SH3D19: variants seen among roughly 807,000 people sequenced by gnomAD.
The protein encoded by SH3D19 is SH3 domain-containing protein 19.
A neutral mutation model predicts 112.1 loss-of-function variants in SH3D19; 58 were observed. The ratio of observed to expected loss-of-function variants is 0.52; its 90% CI spans 0.42 to 0.64. SH3D19 has a LOEUF of 0.64. Ranked by LOEUF, SH3D19 falls within the 30% of genes least tolerant of loss-of-function variation. The pLI is 0.00. For synonymous variants in SH3D19, 391 were observed against 448.5 expected (o/e 0.87, Z 1.62); for missense variants, 1,090 against 1,263.4 (o/e 0.86, Z 2.08).
intron 12 of SH3D19, among the ~76,000 whole-genome samples, chr4:151,142,802 A>G (rs1753234561): frequency 6.6e-6 from 1 of 152,222 alleles, no homozygotes; most frequent in Non-Finnish European, 1.5e-5. Flanking sequence ...AAATGTAACA[A>G]TAGCCATGAA....
In SH3D19 at chr4:151,226,016, T is replaced by C. The variant is rs1768935169; in HGVS notation, c.152+31A>G. ...AATACTTTTCAAATAAGAAGCTTTA[T>C]ACAGAATTATTAGATACTGTAAATT... On this transcript the variant is annotated intron_variant, in intron 2 of 19. Coordinates refer to ENST00000604030, the MANE Select transcript of SH3D19 (RefSeq NM_001378122.1). 8 of 1,218,972 alleles carry C rather than the reference T, an allele frequency of 6.6e-6. No individual in the cohort carries two copies. The East Asian group carries it at 1.6e-4, about 24-fold the overall frequency. 75.5% of individuals were successfully genotyped at this position (1,218,972 alleles called of 1,614,324 possible).
At chr4:151,141,705 T>G (rs147204032) in intron 12 of SH3D19, among the ~76,000 whole-genome samples, 85 of 152,364 alleles carry the variant, frequency 5.6e-4, no homozygotes, top group Non-Finnish European at 1.1e-3. Flanking sequence ...TGTGTGATTT[T>G]CATTTTTTTC....
At chr4:151,199,739 A>G (rs1189025265) in intron 2 of SH3D19, among the ~76,000 whole-genome samples, 1 of 152,228 alleles carries the variant, frequency 6.6e-6, no homozygotes, top group Non-Finnish European at 1.5e-5. Flanking sequence ...AAGAGCATGC[A>G]TGACCAAATG....
chr4:151,319,489 T>C (rs1229102815), intron 1 of SH3D19, among the ~76,000 whole-genome samples: 2 of 152,244 alleles, frequency 1.3e-5, no homozygotes, highest in Non-Finnish European at 2.9e-5. Context: ...AACAGTAAGC[T>C]GGTGGTCCAG....
intron 1 of SH3D19, chr4:151,266,222 G>C (rs532742002): frequency 1.3e-5 from 2 of 152,312 alleles, no homozygotes; most frequent in East Asian, 3.9e-4. Flanking sequence ...CCAGGATTAA[G>C]ACGGAGGATA....
At chr4:151,304,648 G>A (rs904344667) in intron 1 of SH3D19, among the ~76,000 whole-genome samples, 2 of 152,262 alleles carry the variant, frequency 1.3e-5, no homozygotes, top group African/African-American at 2.4e-5. Flanking sequence ...GATAACAGTT[G>A]GGGCAAACAA....
intron 1 of SH3D19, among the ~76,000 whole-genome samples, chr4:151,273,448 G>A (rs1043464982): frequency 1.3e-5 from 2 of 151,960 alleles, no homozygotes; most frequent in South Asian, 2.1e-4. Context: ...AAATTAGCTG[G>A]GCGTGGTGGT....
At chr4:151,212,520 G>T (rs774110901) in intron 2 of SH3D19, among the ~76,000 whole-genome samples, 1 of 152,188 alleles carries the variant, frequency 6.6e-6, no homozygotes, top group Admixed American at 6.5e-5. Flanking sequence ...GAACAACAAA[G>T]CCTAGATGAC....
intron 2 of SH3D19, among the ~76,000 whole-genome samples, chr4:151,197,401 G>A (rs912469804): frequency 1.3e-5 from 2 of 152,172 alleles, no homozygotes; most frequent in Admixed American, 1.3e-4. Flanking sequence ...TAGTTGCACG[G>A]CATGGGTGTC....
chr4:151,280,881 T>G (rs994595283), intron 1 of SH3D19, among the ~76,000 whole-genome samples: 2 of 152,172 alleles, frequency 1.3e-5, no homozygotes, highest in African/African-American at 4.8e-5. Context: ...CTTAGAATTC[T>G]ACCCATATGC....
chr4:151,238,261 T>C (rs1461092286), intron 1 of SH3D19, among the ~76,000 whole-genome samples: 2 of 148,924 alleles, frequency 1.3e-5, no homozygotes, highest in Non-Finnish European at 2.9e-5. Context: ...ACTAGATAGA[T>C]TAAATGTAAA....
In SH3D19 at chr4:151,257,333, C is replaced by T. The variant is rs1280449451; in HGVS notation, c.113-31247G>A. Reference sequence around the variant, plus strand: ...GAACTCCTGACCTCAGGTGATCCACCCGCCTTAGCCTCCCAAAGTTCTGGG... The same window carrying T: ...GAACTCCTGACCTCAGGTGATCCACTCGCCTTAGCCTCCCAAAGTTCTGGG... On this transcript the variant is annotated intron_variant, in intron 1 of 19. Coordinates refer to ENST00000604030, the MANE Select transcript of SH3D19 (RefSeq NM_001378122.1). Among the ~76,000 whole-genome samples, 5 of 152,280 alleles carry T rather than the reference C, an allele frequency of 3.3e-5. No individual in the cohort carries two copies. The East Asian group carries it at 9.7e-4, about 29-fold the overall frequency.
chr4:151,213,196 T>TAAAGCAATA (rs1766256847), intron 2 of SH3D19, among the ~76,000 whole-genome samples: 1 of 152,216 alleles, frequency 6.6e-6, no homozygotes, highest in Non-Finnish European at 1.5e-5. Context: ...AGAATAAATT[T>TAAAGCAATA]AGTTGATAAA....
chr4:151,276,123 A>G (rs112337857), intron 1 of SH3D19, among the ~76,000 whole-genome samples: 1 of 152,120 alleles, frequency 6.6e-6, no homozygotes, highest in Admixed American at 6.5e-5. Context: ...GATTACAGGC[A>G]TGAGCCACCG....
chr4:151,312,923 A>T (rs1416473047), intron 1 of SH3D19, among the ~76,000 whole-genome samples: 2 of 150,306 alleles, frequency 1.3e-5, no homozygotes, highest in East Asian at 1.9e-4. Context: ...AATAAATAAA[A>T]TAAATAAATA....
At position 151,148,068 on chromosome 4, in the gene SH3D19, G is replaced by C; in HGVS notation, c.1936C>G (p.Arg646Gly). The change falls in exon 11 of 20, where the codon CGA (arginine) becomes GGA (glycine). Residue 646 changes from arginine (R) to glycine (G), a missense_variant. Coordinates refer to ENST00000604030, the MANE Select transcript of SH3D19 (RefSeq NM_001378122.1). ...RRSNKKLPFN[R>G]SSSDMDLQKK... ...TGAAGATCCATGTCAGAAGAGGATC[G>C]ATTAAAAGGCAGTTTCTTATTAGAT... 1 of 1,614,092 alleles carries C rather than the reference G, an allele frequency of 6.2e-7. No individual in the cohort carries two copies. Among genetic ancestry groups the C allele is most frequent in the Non-Finnish European group, 8.5e-7 (1 of 1,180,016 alleles).
At chr4:151,288,626 G>A (rs996789136) in intron 1 of SH3D19, among the ~76,000 whole-genome samples, 7 of 151,444 alleles carry the variant, frequency 4.6e-5, no homozygotes, top group Non-Finnish European at 8.8e-5. Flanking sequence ...CTGAGATCTC[G>A]CCACTGCACT....
At chr4:151,187,992 C>T (rs1193670152) in intron 2 of SH3D19, among the ~76,000 whole-genome samples, 1 of 152,150 alleles carries the variant, frequency 6.6e-6, no homozygotes, top group Non-Finnish European at 1.5e-5. Context: ...CTCTCTCCCC[C>T]TTCTTTCTCT....
intron 2 of SH3D19, among the ~76,000 whole-genome samples, chr4:151,214,480 C>A (rs1448208941): frequency 8.6e-6 from 1 of 115,972 alleles, no homozygotes; most frequent in East Asian, 3.1e-4. Context: ...CACCTCCCTC[C>A]CGGACGGGGC....
Sources: gnomAD v4.1 joint callset for allele counts (sites outside exome capture counted in the v4.1 genomes callset) on GRCh38, gnomAD v4.1.1 for gene constraint, MANE v1.5 for transcripts, NCBI Gene and HGNC (gene_info 2026-07-23, HGNC 2026-07-21) for gene names.